LPO: variants seen among roughly 807,000 people sequenced by gnomAD.
The protein encoded by LPO is salivary peroxidase.
Under a neutral mutation model 68.4 loss-of-function variants are expected in LPO, and 70 were observed. The observed-to-expected ratio is 1.02, with a 90% CI of 0.84 to 1.25. The LOEUF is 1.25. Ranked by LOEUF, LPO falls within the 50% of genes most tolerant of loss-of-function variation. LPO has a pLI of 0.00. For missense variants in LPO, 873 were observed against 908.4 expected (o/e 0.96, Z 0.50); for synonymous variants, 360 against 357.6 (o/e 1.01, Z -0.08).
At chr17:58,248,620 G>A (rs1969895198) in intron 4 of LPO, among the ~76,000 whole-genome samples, 2 of 152,152 alleles carry the variant, frequency 1.3e-5, no homozygotes, top group South Asian at 4.2e-4. Context: ...CTCTATCCTA[G>A]CTATGTCCCT....
chr17:58,246,965 C>T (rs181613520), intron 3 of LPO, among the ~76,000 whole-genome samples: 15 of 152,324 alleles, frequency 9.8e-5, no homozygotes, highest in Non-Finnish European at 1.6e-4. Flanking sequence ...GCCTCAAGGG[C>T]ACACAACTAG....
chr17:58,267,410 C>T lies in LPO; in HGVS notation c.1755C>T (p.Asn585=), dbSNP rs762556224. ...LSQPQTLEEL[N]TVLKSKMLAK... is the part of the protein sequence containing the mutation. ...AGCCGCAGACACTAGAGGAGTTGAACACAGTGCTGAAGAGCAAGATGCTGG... is the reference window on the plus strand; with the variant it reads ...AGCCGCAGACACTAGAGGAGTTGAATACAGTGCTGAAGAGCAAGATGCTGG... The change falls in exon 12 of 13, where the codon AAC becomes AAT. Residue 585 remains asparagine (N), a synonymous_variant. Transcript: ENST00000262290. The T allele has an allele frequency of 1.2e-6, 2 of 1,614,232 alleles. No homozygotes were observed. The highest frequency in any genetic ancestry group is 1.3e-5 in the African/African-American group (1 of 75,062).
In LPO at chr17:58,241,130, T is replaced by C. The variant is rs570754839; in HGVS notation, c.-2-1848T>C. 9.1e-3 allele frequency among the ~76,000 whole-genome samples: 1,101 copies of C among 120,942 alleles called. 5 individuals are homozygous for C. The highest frequency in any genetic ancestry group is 0.014 in the Non-Finnish European group (823 of 59,406). The allele number at this position is 120,942 out of a possible 152,430, so 79.3% of individuals were successfully genotyped here. ...GTTCTTTTCTTTTCTTTTTTCTTTT[T>C]TTTTTTTTTTTTTTTTTTGAGCCAG... is the stretch of plus-strand genomic sequence containing the variant. On this transcript the variant is annotated intron_variant, in intron 1 of 12. Coordinates refer to ENST00000262290, the MANE Select transcript of LPO (RefSeq NM_006151.3).
intron 2 of LPO, 79 bp downstream of exon 2, chr17:58,243,134 G>A: frequency 7.2e-7 from 1 of 1,385,154 alleles, no homozygotes; most frequent in South Asian, 1.2e-5. Context: ...CAACAGAAAT[G>A]TATTCTCTCA....
At chr17:58,242,896 G>T in intron 1 of LPO, 82 bp from the exon 2 acceptor site, 1 of 1,163,808 alleles carries the variant, frequency 8.6e-7, no homozygotes, top group Non-Finnish European at 1.3e-6. Context: ...GTGCTCCTTT[G>T]GCTTTCTCTG....
rs1384714747 is a variant in LPO at position 58,252,470 on chromosome 17, A to G, written c.1069A>G (p.Ile357Val). Residue 357 changes from isoleucine to valine, a missense_variant, in exon 8 of 13, where the codon ATC becomes GTC. Physicochemically the swap from Ile to Val is conservative, Grantham distance 29. Transcript: ENST00000262290. ...CAAGAAGCCAAGCCCCTGTGAGTTC[A>G]TCAACACCACTGCCCGTGTGCCCTG... ...DSKKPSPCEFINTTARVPCFL... is the reference protein window; with the variant it reads ...DSKKPSPCEFVNTTARVPCFL... The G allele has an allele frequency of 6.2e-7, 1 of 1,613,566 alleles. No individual in the cohort carries two copies. Among genetic ancestry groups the G allele is most frequent in the Non-Finnish European group, 8.5e-7 (1 of 1,179,818 alleles).
intron 3 of LPO, among the ~76,000 whole-genome samples, chr17:58,246,652 G>A (rs1465050909): frequency 1.3e-5 from 2 of 152,166 alleles, no homozygotes; most frequent in African/African-American, 2.4e-5. Flanking sequence ...GGCCCAGCGC[G>A]GCCTGCCTGC....
chr17:58,242,030 G>A (rs934200623), intron 1 of LPO, among the ~76,000 whole-genome samples: 2 of 152,174 alleles, frequency 1.3e-5, no homozygotes, highest in Admixed American at 1.3e-4. Flanking sequence ...AGTGAACGCC[G>A]TGCTGCAGGG....
intron 3 of LPO, among the ~76,000 whole-genome samples, chr17:58,244,719 G>A (rs1322288583): frequency 1.3e-5 from 2 of 152,224 alleles, no homozygotes; most frequent in Non-Finnish European, 2.9e-5. Flanking sequence ...GCTGAGAGGT[G>A]TTGTGGCACA....
rs1414137017 is a variant in LPO at position 58,241,011 on chromosome 17, T to G, written c.-2-1967T>G. Among the ~76,000 whole-genome samples the G allele has an allele frequency of 2.0e-5, 3 of 152,290 alleles. No homozygotes were observed. In the East Asian group the frequency reaches 5.8e-4, roughly 29 times the overall value. Reference sequence around the variant, plus strand: ...GGATGAAAATGTTCTAGAGATCCATTGTGCAACATGTGAATATACCTAACA... The same window carrying G: ...GGATGAAAATGTTCTAGAGATCCATGGTGCAACATGTGAATATACCTAACA... On this transcript the variant is annotated intron_variant, in intron 1 of 12. Coordinates refer to ENST00000262290, the MANE Select transcript of LPO (RefSeq NM_006151.3).
At position 58,267,522 on chromosome 17, in the gene LPO, C is replaced by T. The variant is rs779010556; in HGVS notation, c.1867C>T (p.Arg623Trp). ...TGCTGAGCCGCTGGTGGAAAGGGGT[C>T]GGGTGGGGCCTCTCCTGGCCTGCCT... ...AIAEPLVERG[R>W]VGPLLACLLG... The change falls in exon 12 of 13, where the codon CGG becomes TGG. Residue 623 changes from arginine (R) to tryptophan (W), a missense_variant. Transcript: ENST00000262290. The T allele has an allele frequency of 6.8e-6, 11 of 1,614,006 alleles. No individual in the cohort carries two copies. The highest frequency in any genetic ancestry group is 3.3e-5 in the South Asian group (3 of 91,086).
Position 58,254,802 on chromosome 17 carries a change from G to A in LPO, c.1106-9G>A, listed in dbSNP as rs747535095. The A allele has an allele frequency of 3.1e-6, 5 of 1,613,724 alleles. No individual in the cohort carries two copies. Among genetic ancestry groups the A allele is most frequent in the Admixed American group, 3.3e-5 (2 of 59,990 alleles). On this transcript the variant is annotated splice_polypyrimidine_tract_variant and intron_variant, in intron 8 of 12. Coordinates refer to ENST00000262290, the MANE Select transcript of LPO (RefSeq NM_006151.3). ...GGAGAATCTACCTTCCTGCCTTCTG[G>A]GCTTTCAGGAGATTCTCGAGCCTCA...
intron 1 of LPO, among the ~76,000 whole-genome samples, chr17:58,240,436 C>T (rs111576651): frequency 0.023 from 3,433 of 152,332 alleles, 130 homozygotes; most frequent in African/African-American, 0.078. Flanking sequence ...CTCTTACACT[C>T]TAAAGCCCCA....
rs1244878144 is a variant in LPO at position 58,254,926 on chromosome 17, G to A, written c.1221G>A (p.Glu407=). 6 of 1,614,100 alleles carry A rather than the reference G, an allele frequency of 3.7e-6. No individual in the cohort carries two copies. The East Asian group carries it at 1.3e-4, about 36-fold the overall frequency. The stretch of plus-strand genomic sequence containing the variant: ...GACTCAACCCTCAGTGGGATGGAGA[G>A]AAGCTCTACCAGGAAGCCCGGAAAA... ...LKRLNPQWDG[E]KLYQEARKIL... The change falls in exon 9 of 13, where the codon GAG becomes GAA. Residue 407 remains glutamate (E), a synonymous_variant. Coordinates refer to ENST00000262290, the MANE Select transcript of LPO (RefSeq NM_006151.3).
At position 58,249,179 on chromosome 17, in the gene LPO, TG is replaced by T. The variant is rs767947606; in HGVS notation, c.443+4del. 18 of 1,612,448 alleles carry T rather than the reference TG, an allele frequency of 1.1e-5. No homozygotes were observed. The highest frequency in any genetic ancestry group is 1.5e-5 in the Non-Finnish European group (18 of 1,178,636). On this transcript the variant is annotated splice_donor_region_variant and intron_variant, in intron 5 of 12. Transcript: ENST00000262290. ...CATTACGGGAGACTGCAATAACAGG[TG>T]GCGGGGCTTGGGGTGTGGGGGCCGA...
intron 9 of LPO, among the ~76,000 whole-genome samples, chr17:58,256,471 C>T (rs1332034271): frequency 1.3e-5 from 2 of 149,184 alleles, no homozygotes; most frequent in Non-Finnish European, 3.0e-5. Flanking sequence ...GTATGGGGTA[C>T]ATTAGATGGC....
chr17:58,243,286 A>G (rs1969791987), intron 2 of LPO: 3 of 511,150 alleles, frequency 5.9e-6, no homozygotes, highest in African/African-American at 2.0e-5. Context: ...TGTAGCTGCA[A>G]CACTCCAATC....
At chr17:58,256,109 C>A (rs9894824) in intron 9 of LPO, among the ~76,000 whole-genome samples, 150 of 152,196 alleles carry the variant, frequency 9.9e-4, no homozygotes, top group African/African-American at 3.6e-3. Flanking sequence ...AACATGTATC[C>A]GAGATGGGCT....
At chr17:58,246,885 A>G (rs933393214) in intron 3 of LPO, among the ~76,000 whole-genome samples, 2 of 152,242 alleles carry the variant, frequency 1.3e-5, no homozygotes, top group Non-Finnish European at 2.9e-5. Flanking sequence ...AACATGGTTC[A>G]ACCTAAGATT....
Sources: allele counts gnomAD v4.1 joint callset (sites outside exome capture counted in the v4.1 genomes callset), GRCh38; gene constraint gnomAD v4.1.1; transcripts MANE v1.5; gene names NCBI Gene and HGNC (gene_info 2026-07-23, HGNC 2026-07-21).